The following BBOF1 variants were observed in gnomAD, a reference collection of about 807,000 sequenced individuals.
The protein encoded by BBOF1 is basal body orientation factor 1.
A neutral mutation model predicts 68.0 loss-of-function variants in BBOF1; 62 were observed. The observed-to-expected ratio is 0.91, with a 90% confidence interval of 0.74 to 1.13. The LOEUF is 1.13. Among genes scored for constraint, BBOF1 ranks in the 50% most tolerant of loss-of-function variants. BBOF1 has a pLI of 0.00. For missense variants in BBOF1, 534 were observed against 600.1 expected (o/e 0.89, Z 1.15); for synonymous variants, 208 against 198.8 (o/e 1.05, Z -0.39).
chr14:74,060,475 AG>A (rs779053576), intron 11 of BBOF1: 30 of 666,538 alleles, frequency 4.5e-5, no homozygotes, highest in Non-Finnish European at 8.0e-5. Flanking sequence ...TTGTTACACT[AG>A]GCAGTTCCCT....
chr14:74,057,545 A>C, intron 11 of BBOF1: 1 of 1,336,064 alleles, frequency 7.5e-7, no homozygotes, highest in Non-Finnish European at 9.7e-7. Context: ...TTTACGTAAG[A>C]GTAAACATAG....
At chr14:74,037,744 G>A (rs908720060) in intron 4 of BBOF1, among the ~76,000 whole-genome samples, 3 of 151,682 alleles carry the variant, frequency 2.0e-5, no homozygotes, top group Admixed American at 6.6e-5. Context: ...ACCTGAGGTC[G>A]GGAGTTCAAG....
chr14:74,030,094 T>A (rs1209342440), intron 3 of BBOF1, among the ~76,000 whole-genome samples: 1 of 152,234 alleles, frequency 6.6e-6, no homozygotes, highest in African/African-American at 2.4e-5. Context: ...AGTAAGGATC[T>A]ATGATAAAAT....
intron 2 of BBOF1, among the ~76,000 whole-genome samples, chr14:74,028,612 G>C (rs578207341): frequency 2.0e-5 from 3 of 151,674 alleles, no homozygotes; most frequent in Non-Finnish European, 4.4e-5. Flanking sequence ...AGGCGCTATG[G>C]CTCACACCTA....
At chr14:74,055,219 G>T in intron 8 of BBOF1, 1 of 205,112 alleles carries the variant, frequency 4.9e-6, no homozygotes, top group Non-Finnish European at 1.0e-5. Flanking sequence ...CGCGATCTCA[G>T]CTTACTGCAG....
At chr14:74,071,435 T>A in intron 9 of BBOF1, 1 of 1,614,166 alleles carries the variant, frequency 6.2e-7, no homozygotes, top group Non-Finnish European at 8.5e-7. Flanking sequence ...ATGTCTTTGG[T>A]GATGGATGGC....
intron 7 of BBOF1, chr14:74,048,419 A>G (rs1329191548): frequency 6.2e-6 from 1 of 162,420 alleles, no homozygotes; most frequent in Admixed American, 6.4e-5. Context: ...ATCACCACAC[A>G]AGGGTTTATT....
At chr14:74,041,297 C>G (rs1428638949) in intron 5 of BBOF1, among the ~76,000 whole-genome samples, 1 of 152,034 alleles carries the variant, frequency 6.6e-6, no homozygotes, top group Non-Finnish European at 1.5e-5. Flanking sequence ...AGCAAGACTC[C>G]TTCTCAAATA....
At chr14:74,019,763 A>G (rs2059214512) in intron 1 of BBOF1, among the ~76,000 whole-genome samples, 1 of 152,244 alleles carries the variant, frequency 6.6e-6, no homozygotes, top group Non-Finnish European at 1.5e-5. Context: ...GGGCCTTTTC[A>G]GAGATCTCTT....
Position 74,023,005 on chromosome 14 carries a change from C to A in BBOF1, c.146C>A (p.Ser49Tyr). 1 of 1,612,858 alleles carries A rather than the reference C, an allele frequency of 6.2e-7. No homozygotes were observed. Among genetic ancestry groups the A allele is most frequent in the Non-Finnish European group, 8.5e-7 (1 of 1,179,452 alleles). The change falls in exon 2 of 12, where the codon TCT becomes TAT. Residue 49 changes from serine to tyrosine, a missense_variant. Coordinates refer to ENST00000394009, the MANE Select transcript of BBOF1 (RefSeq NM_025057.3). Reference protein sequence around the residue: ...WEARLEVTELSRIKYRDTSRI... With the variant: ...WEARLEVTELYRIKYRDTSRI... ...GCCAGGTTGGAAGTCACAGAACTCT[C>A]TAGGATTAAGTATCGTGATACTTCA...
chr14:74,032,329 G>T (rs1434198333), intron 3 of BBOF1, among the ~76,000 whole-genome samples: 1 of 151,642 alleles, frequency 6.6e-6, no homozygotes, highest in Non-Finnish European at 1.5e-5. Context: ...GTTTCACCAT[G>T]TTGGCCAGGC....
rs1270756480 is a variant in BBOF1 at position 74,037,644 on chromosome 14, G to A, written c.496-2921G>A. Among the ~76,000 whole-genome samples, 68 of 151,366 alleles carry A rather than the reference G, an allele frequency of 4.5e-4. 1 individual carries two copies. The highest frequency in any genetic ancestry group is 4.5e-3 in the Admixed American group (68 of 15,176). On this transcript the variant is annotated intron_variant, in intron 4 of 11. Coordinates refer to ENST00000394009, the MANE Select transcript of BBOF1 (RefSeq NM_025057.3). ...CGTGTTCTCCATGAGGTCTTCTCCTGGAGTCCTGTTTAAAAGTAATAATTT... is the reference window on the plus strand; with the variant it reads ...CGTGTTCTCCATGAGGTCTTCTCCTAGAGTCCTGTTTAAAAGTAATAATTT...
At position 74,049,753 on chromosome 14, in the gene BBOF1, A is replaced by C. The variant is rs1450130940; in HGVS notation, c.844A>C (p.Arg282=). ...AAAGATTATGCAACTTGTCCAGCAGAGATCACAAATCCAAACCCTTCAGAA... is the reference window on the plus strand; with the variant it reads ...AAAGATTATGCAACTTGTCCAGCAGCGATCACAAATCCAAACCCTTCAGAA... ...KEKIMQLVQQ[R]SQIQTLQKKV... Residue 282 remains arginine, a synonymous_variant, in exon 8 of 12, where the codon AGA becomes CGA. Transcript: ENST00000394009. The C allele has an allele frequency of 1.2e-6, 2 of 1,614,094 alleles. No homozygotes were observed. Among genetic ancestry groups the C allele is most frequent in the Non-Finnish European group, 1.7e-6 (2 of 1,179,990 alleles).
At chr14:74,026,895 A>T (rs1343530484) in intron 2 of BBOF1, among the ~76,000 whole-genome samples, 3 of 148,232 alleles carry the variant, frequency 2.0e-5, no homozygotes, top group Non-Finnish European at 4.5e-5. Context: ...ACTGCACTCC[A>T]CCCTCAGGGA....
chr14:74,072,886 G>A (rs2060569833), intron 9 of BBOF1, among the ~76,000 whole-genome samples: 1 of 150,870 alleles, frequency 6.6e-6, no homozygotes, highest in African/African-American at 2.4e-5. Flanking sequence ...TGCAACCTCT[G>A]ATTCCCGGGT....
At chr14:74,060,766 A>C in intron 11 of BBOF1, 2 of 1,537,438 alleles carry the variant, frequency 1.3e-6, no homozygotes, top group Non-Finnish European at 1.8e-6. Flanking sequence ...ACAGAAAAAA[A>C]GTTAGCATAT....
In BBOF1 at chr14:74,065,738, G is replaced by T; in HGVS notation, c.*1039G>T. On this transcript the variant is annotated 3_prime_UTR_variant, in exon 12 of 12. Coordinates refer to ENST00000394009, the MANE Select transcript of BBOF1 (RefSeq NM_025057.3). ...ATCCAATCTATAGTAAATATACCAG[G>T]ATAATTTTTCTCTTTACAGAAACCC... is the stretch of plus-strand genomic sequence containing the variant. 4.6e-6 allele frequency: 1 copy of T among 215,334 alleles called. No homozygotes were observed. Among genetic ancestry groups the T allele is most frequent in the East Asian group, 1.2e-4 (1 of 8,168 alleles). 13.3% of individuals were successfully genotyped at this position (215,334 alleles called of 1,614,324 possible).
At chr14:74,066,629 A>G, downstream of BBOF1, 1 of 1,391,632 alleles carries the variant, frequency 7.2e-7, no homozygotes, top group Non-Finnish European at 1.0e-6. Flanking sequence ...ATTTTCATTA[A>G]TAAATTAGAG....
At chr14:74,055,457 T>C in intron 8 of BBOF1, 127 bp from the exon 9 acceptor site, 1 of 685,122 alleles carries the variant, frequency 1.5e-6, no homozygotes, top group Non-Finnish European at 2.5e-6. Context: ...CCTGTAGTTG[T>C]TTCATAATAT....
Sources: allele counts gnomAD v4.1 joint callset (sites outside exome capture counted in the v4.1 genomes callset), GRCh38; gene constraint gnomAD v4.1.1; transcripts MANE v1.5; gene names NCBI Gene and HGNC (gene_info 2026-07-23, HGNC 2026-07-21).